DOCK8: variants seen among roughly 807,000 people sequenced by gnomAD.
DOCK8 encodes dedicator of cytokinesis 8, also known as dedicator of cytokinesis protein 8.
Under a neutral mutation model 245.6 loss-of-function variants are expected in DOCK8, and 141 were observed. The ratio of observed to expected loss-of-function variants is 0.57; its 90% CI spans 0.50 to 0.66. The LOEUF (loss-of-function observed/expected upper bound fraction) is 0.66, where lower values mean the gene tolerates loss of function less well. DOCK8 is among the 30% of genes least tolerant of loss of function. The probability of loss-of-function intolerance (pLI) is 0.00; values close to 1 mark genes in which losing one functional copy is unlikely to be tolerated. For missense variants in DOCK8, 2,965 were observed against 2,603.4 expected (o/e 1.14, Z -3.02); for synonymous variants, 1,168 against 970.2 (o/e 1.20, Z -3.79).
intron 43 of DOCK8, among the ~76,000 whole-genome samples, chr9:445,147 C>T (rs1227481738): frequency 6.6e-6 from 1 of 152,226 alleles, no homozygotes; most frequent in African/African-American, 2.4e-5. Flanking sequence ...TTCAGACACA[C>T]ATGTCTGGGA....
intron 14 of DOCK8, among the ~76,000 whole-genome samples, chr9:347,682 A>G (rs369907019): frequency 6.6e-6 from 1 of 152,310 alleles, no homozygotes; most frequent in East Asian, 1.9e-4. Flanking sequence ...TAGCCAAGGA[A>G]CGGAGACAAA....
chr9:374,884 G>A (rs2053457555), intron 18 of DOCK8, among the ~76,000 whole-genome samples: 2 of 152,048 alleles, frequency 1.3e-5, no homozygotes, highest in Admixed American at 1.3e-4. Context: ...GTGCCCACAG[G>A]ATCCAGATGA....
At chr9:363,647 AT>A (rs1563966335) in intron 14 of DOCK8, among the ~76,000 whole-genome samples, 2 of 152,080 alleles carry the variant, frequency 1.3e-5, no homozygotes, top group Admixed American at 1.3e-4. Context: ...ACCTTTCTGG[AT>A]GTTAGTTTCC....
At chr9:311,814 C>A (rs62533403) in intron 5 of DOCK8, 140 bp from the exon 6 acceptor site, 5 of 1,015,144 alleles carry the variant, frequency 4.9e-6, no homozygotes, top group African/African-American at 1.6e-5. Flanking sequence ...TTATCAAATC[C>A]GCAGTTTCTT....
At chr9:371,618 G>T (rs1375864362) in intron 17 of DOCK8, 52 bp downstream of exon 17, 2 of 1,611,710 alleles carry the variant, frequency 1.2e-6, no homozygotes, top group Non-Finnish European at 1.7e-6. Context: ...GTGCATCTGA[G>T]GTCCCTGCAG....
intron 35 of DOCK8, 141 bp downstream of exon 35, chr9:428,637 A>G: frequency 9.1e-7 from 1 of 1,098,616 alleles, no homozygotes; most frequent in Non-Finnish European, 1.3e-6. Context: ...CTTCCTAGGA[A>G]GAAAGCAGAT....
chr9:295,626 A>T (rs1482974259), intron 4 of DOCK8, among the ~76,000 whole-genome samples: 1 of 152,214 alleles, frequency 6.6e-6, no homozygotes, highest in African/African-American at 2.4e-5. Flanking sequence ...ACTTTGCCTT[A>T]TAAGGACATG....
In DOCK8 at chr9:377,150, C is replaced by G. The variant is rs776951928; in HGVS notation, c.2379C>G (p.His793Gln). Residue 793 changes from histidine (H) to glutamine (Q), a missense_variant, in exon 20 of 48, where the codon CAC becomes CAG. His to Gln is a conservative substitution (Grantham distance 24, BLOSUM62 0). Coordinates refer to ENST00000432829, the MANE Select transcript of DOCK8 (RefSeq NM_203447.4). ...SRLEPLVLFL[H>Q]LVLDKLFQLS... ...TGGAGCCGCTCGTGCTCTTCCTGCACCTGGTGCTGGACAAGCTCTTCCAGC... is the reference window on the plus strand; with the variant it reads ...TGGAGCCGCTCGTGCTCTTCCTGCAGCTGGTGCTGGACAAGCTCTTCCAGC... 6.2e-7 allele frequency: 1 copy of G among 1,606,746 alleles called. No homozygotes were observed. Among genetic ancestry groups the G allele is most frequent in the Non-Finnish European group, 8.5e-7 (1 of 1,179,814 alleles).
At chr9:329,824 T>C (rs979199145) in intron 9 of DOCK8, among the ~76,000 whole-genome samples, 2 of 152,242 alleles carry the variant, frequency 1.3e-5, no homozygotes, top group African/African-American at 4.8e-5. Context: ...TTACTAAATA[T>C]GTTCCAAAAT....
At chr9:458,926 G>A (rs1464830375) in intron 46 of DOCK8, among the ~76,000 whole-genome samples, 1 of 152,146 alleles carries the variant, frequency 6.6e-6, no homozygotes, top group Non-Finnish European at 1.5e-5. Flanking sequence ...GCCATCAAAA[G>A]CCAGGAATCC....
chr9:340,537 C>G, intron 14 of DOCK8: 1 of 538,332 alleles, frequency 1.9e-6, no homozygotes, highest in African/African-American at 1.9e-5. Flanking sequence ...AGGAGAATCG[C>G]TTGAACCCAG....
chr9:444,993 A>T (rs1016402491), intron 43 of DOCK8, among the ~76,000 whole-genome samples: 1 of 152,210 alleles, frequency 6.6e-6, no homozygotes, highest in Admixed American at 6.5e-5. Context: ...ATCTTCCAGG[A>T]TATGAAGAAG....
chr9:336,168 A>G (rs761710595), intron 11 of DOCK8, among the ~76,000 whole-genome samples: 65 of 152,364 alleles, frequency 4.3e-4, no homozygotes, highest in Non-Finnish European at 7.3e-4. Context: ...TGTTTGGGTC[A>G]CAATCACAAA....
chr9:422,198 G>A (rs757516419), intron 33 of DOCK8, 63 bp downstream of exon 33: 18 of 1,395,306 alleles, frequency 1.3e-5, no homozygotes, highest in Non-Finnish European at 1.6e-5. Context: ...TTCCCAGGCT[G>A]CTTGTATTAC....
intron 1 of DOCK8, among the ~76,000 whole-genome samples, chr9:240,430 GC>G (rs1219195515): frequency 6.6e-6 from 1 of 151,412 alleles, no homozygotes; most frequent in Non-Finnish European, 1.5e-5. Context: ...CCTATTTGAG[GC>G]CATCTTCATA....
chr9:289,402 C>T lies in DOCK8; in HGVS notation c.333-108C>T, dbSNP rs1021919005. On this transcript the variant is annotated intron_variant, in intron 3 of 47. Coordinates refer to ENST00000432829, the MANE Select transcript of DOCK8 (RefSeq NM_203447.4). ...ATTGGGCAAGAACATCCTAAGCATT[C>T]TCACTGATAAGGATTTAAATTCGTG... is the stretch of plus-strand genomic sequence containing the variant. The T allele has an allele frequency of 2.3e-5, 20 of 863,440 alleles. No homozygotes were observed. In the South Asian group the frequency reaches 2.4e-4, roughly 10 times the overall value. The allele number at this position is 863,440 out of a possible 1,614,324, so 53.5% of individuals were successfully genotyped here. A position where few individuals can be genotyped will look rare whatever the true frequency, so the allele number is the denominator to read the frequency against.
intron 2 of DOCK8, among the ~76,000 whole-genome samples, chr9:279,186 C>G (rs756965095): frequency 7.9e-5 from 12 of 152,154 alleles, no homozygotes; most frequent in Admixed American, 2.0e-4. Flanking sequence ...GGAATTGCCA[C>G]TTGCAGAAGT....
intron 23 of DOCK8, 147 bp from the exon 24 acceptor site, chr9:390,324 C>A: frequency 1.3e-6 from 1 of 748,220 alleles, no homozygotes; most frequent in South Asian, 1.5e-5. Flanking sequence ...ACTTTGCCAT[C>A]CACCACTTAC....
intron 37 of DOCK8, among the ~76,000 whole-genome samples, chr9:433,213 A>G (rs892662963): frequency 2.0e-5 from 3 of 152,308 alleles, no homozygotes; most frequent in Admixed American, 1.3e-4. Context: ...AACTATGGGC[A>G]GTTTAATAAA....
Sources: gnomAD v4.1 joint callset for allele counts (sites outside exome capture counted in the v4.1 genomes callset) on GRCh38, gnomAD v4.1.1 for gene constraint, MANE v1.5 for transcripts, NCBI Gene and HGNC (gene_info 2026-07-23, HGNC 2026-07-21) for gene names.